The following RIC1 variants were observed in gnomAD, a reference collection of about 807,000 sequenced individuals.
The protein encoded by RIC1 is RIC1 partner of RAB6A GEF complex, also known as guanine nucleotide exchange factor subunit RIC1.
In RIC1, 88 loss-of-function variants were observed where a neutral mutation model predicts 169.0. The observed-to-expected ratio is 0.52, with a 90% CI of 0.44 to 0.62. RIC1 has a LOEUF of 0.62. Among genes scored for constraint, RIC1 ranks in the 20% least tolerant of loss-of-function variants. The pLI is 0.00. For missense variants in RIC1, 1,877 were observed against 1,725.5 expected (o/e 1.09, Z -1.56); for synonymous variants, 790 against 601.5 (o/e 1.31, Z -4.59).
intron 2 of RIC1, among the ~76,000 whole-genome samples, chr9:5,658,819 T>G (rs907430833): frequency 1.3e-5 from 2 of 148,152 alleles, no homozygotes; most frequent in African/African-American, 5.2e-5. Context: ...ATTGGAAAGT[T>G]TTTTTGTTTT....
chr9:5,769,959 A>T (rs1827087231), intron 22 of RIC1, 128 bp from the exon 23 acceptor site: 1 of 757,414 alleles, frequency 1.3e-6, no homozygotes, highest in East Asian at 2.7e-5. Flanking sequence ...AGTACAGGAC[A>T]GTAATTGCCT....
At chr9:5,714,218 T>C (rs921300487) in intron 4 of RIC1, among the ~76,000 whole-genome samples, 1 of 152,196 alleles carries the variant, frequency 6.6e-6, no homozygotes, top group Non-Finnish European at 1.5e-5. Context: ...ATACCAACTA[T>C]AATCTTATTT....
Position 5,769,036 on chromosome 9 carries a change from G to A in RIC1, c.3204G>A (p.Arg1068=). Residue 1068 remains arginine (R), a synonymous_variant, in exon 22 of 26, where the codon CGG becomes CGA. Coordinates refer to ENST00000414202, the MANE Select transcript of RIC1 (RefSeq NM_020829.4). ...YIDMMLWRHA[R]RLLEDVRLKD... ...ACATGATGCTCTGGAGACATGCTCG[G>A]CGCCTCTTAGAAGATGTGAGGTTAA... 1.2e-6 allele frequency: 2 copies of A among 1,614,054 alleles called. No individual in the cohort carries two copies. The highest frequency in any genetic ancestry group is 1.7e-6 in the Non-Finnish European group (2 of 1,179,966).
chr9:5,661,030 GT>G (rs1819420932), intron 2 of RIC1, among the ~76,000 whole-genome samples: 1 of 152,064 alleles, frequency 6.6e-6, no homozygotes, highest in African/African-American at 2.4e-5. Context: ...TAAGGAAGGG[GT>G]CCAGTTTCAA....
intron 2 of RIC1, among the ~76,000 whole-genome samples, chr9:5,669,312 G>C (rs190509113): frequency 2.6e-5 from 4 of 152,192 alleles, no homozygotes; most frequent in Admixed American, 1.3e-4. Context: ...AGTCCCCAAA[G>C]TCCATTGTAT....
rs1028113894 is a variant in RIC1, at chr9:5,702,471, C to T, written c.333-11425C>T. Among the ~76,000 whole-genome samples the T allele has an allele frequency of 4.6e-5, 7 of 152,024 alleles. No individual in the cohort carries two copies. In the East Asian group the frequency reaches 7.7e-4, roughly 17 times the overall value. Reference sequence around the variant, plus strand: ...CTCTTACACGGCCAGAGCAGGAAGCCGGGGAGAGGTGCTACACACTTACAC... The same window carrying T: ...CTCTTACACGGCCAGAGCAGGAAGCTGGGGAGAGGTGCTACACACTTACAC... On this transcript the variant is annotated intron_variant, in intron 3 of 25. Transcript: ENST00000414202.
chr9:5,685,720 G>A (rs1395959000), intron 2 of RIC1, among the ~76,000 whole-genome samples: 8 of 150,810 alleles, frequency 5.3e-5, no homozygotes, highest in African/African-American at 1.7e-4. Context: ...GCATGGGCAA[G>A]GACTTCATGT....
chr9:5,656,633 G>C lies in RIC1; in HGVS notation c.195G>C (p.Gln65His), dbSNP rs560179483. 3.7e-6 allele frequency: 6 copies of C among 1,609,936 alleles called. No individual in the cohort carries two copies. In the Admixed American group the frequency reaches 8.4e-5, roughly 22 times the overall value. Residue 65 changes from glutamine (Q) to histidine (H), a missense_variant, in exon 2 of 26, where the codon CAG becomes CAC. Transcript: ENST00000414202. ...TYKEPAKSST[Q>H]FGSYKQAEWR... is the part of the protein sequence containing the mutation. ...AGGAGCCTGCAAAATCATCTACTCA[G>C]TTTGGATCCTACAAGCAAGCTGAAT...
chr9:5,629,305 G>C lies in RIC1; in HGVS notation c.-5G>C. The C allele has an allele frequency of 6.6e-7, 1 of 1,506,876 alleles. No homozygotes were observed. Among genetic ancestry groups the C allele is most frequent in the Non-Finnish European group, 8.8e-7 (1 of 1,133,604 alleles). The allele number at this position is 1,506,876 out of a possible 1,614,324, so 93.3% of individuals were successfully genotyped here. On this transcript the variant is annotated 5_prime_UTR_variant, in exon 1 of 26. Coordinates refer to ENST00000414202, the MANE Select transcript of RIC1 (RefSeq NM_020829.4). ...ACTGGGGGCGCCGGGGGCTCCGCAC[G>C]GACCATGTATTTTCTGAGCGGCTGG...
chr9:5,638,633 C>T lies in RIC1; in HGVS notation c.144+9180C>T, dbSNP rs1418747037. ...TCCAGTTTATTGGCATATAGTTGCT[C>T]ATAGTAGTTTGTGATGATCGTTTGA... On this transcript the variant is annotated intron_variant, in intron 1 of 25. Transcript: ENST00000414202. 2.6e-5 allele frequency among the ~76,000 whole-genome samples: 4 copies of T among 152,164 alleles called. No homozygotes were observed. In the East Asian group the frequency reaches 7.7e-4, roughly 29 times the overall value.
chr9:5,692,761 T>G (rs1332585489), intron 3 of RIC1, among the ~76,000 whole-genome samples: 1 of 152,068 alleles, frequency 6.6e-6, no homozygotes, highest in Non-Finnish European at 1.5e-5. Flanking sequence ...TATAAGGTTT[T>G]GAGGAAAGTA....
chr9:5,712,824 T>A (rs540613215), intron 3 of RIC1: 29 of 152,334 alleles, frequency 1.9e-4, no homozygotes, highest in African/African-American at 6.7e-4. Flanking sequence ...ACATGTTAGT[T>A]GAACACGAAC....
In RIC1 at chr9:5,688,441, TTTG is replaced by T. The variant is rs1043410023; in HGVS notation, c.253-1503_253-1501del. ...AAGTATTTCATAGATTTTGTCTGTT[TTTG>T]TTGTTGTTGTTGTTCTTGTTTTTTT... On this transcript the variant is annotated intron_variant, in intron 2 of 25. Coordinates refer to ENST00000414202, the MANE Select transcript of RIC1 (RefSeq NM_020829.4). Among the ~76,000 whole-genome samples, 201 of 152,292 alleles carry T rather than the reference TTTG, an allele frequency of 1.3e-3. 1 individual carries two copies. Among genetic ancestry groups the T allele is most frequent in the African/African-American group, 4.6e-3 (191 of 41,566 alleles).
At chr9:5,736,995 AAAC>A (rs2130948620) in intron 7 of RIC1, among the ~76,000 whole-genome samples, 1 of 152,242 alleles carries the variant, frequency 6.6e-6, no homozygotes, top group Admixed American at 6.5e-5. Context: ...AAAAAAAAAA[AAAC>A]AATCTGGTAG....
At chr9:5,777,384 T>G (rs935049431), downstream of RIC1, among the ~76,000 whole-genome samples, 3 of 150,852 alleles carry the variant, frequency 2.0e-5, no homozygotes, top group Non-Finnish European at 4.4e-5. Context: ...GACTCTAAAA[T>G]GTACCCATTA....
At chr9:5,699,104 T>C (rs1231506616) in intron 3 of RIC1, among the ~76,000 whole-genome samples, 1 of 152,238 alleles carries the variant, frequency 6.6e-6, no homozygotes, top group Non-Finnish European at 1.5e-5. Context: ...AGATAGCTTC[T>C]TTAATATAGC....
chr9:5,756,104 T>TAA (rs370435478), intron 15 of RIC1, 108 bp from the exon 16 acceptor site: 481 of 465,816 alleles, frequency 1.0e-3, no homozygotes, highest in Middle Eastern at 1.8e-3. Context: ...CTCCTGTTAC[T>TAA]AAAAAAAAAA....
chr9:5,730,639 G>A (rs1195888389), intron 6 of RIC1, among the ~76,000 whole-genome samples: 1 of 152,108 alleles, frequency 6.6e-6, no homozygotes, highest in Non-Finnish European at 1.5e-5. Flanking sequence ...CAGTGATTGG[G>A]AAGGGCACTA....
chr9:5,693,809 G>T (rs1232097774), intron 3 of RIC1, among the ~76,000 whole-genome samples: 1 of 151,662 alleles, frequency 6.6e-6, no homozygotes, highest in Non-Finnish European at 1.5e-5. Flanking sequence ...TGTATACTTT[G>T]TTGAGAGCAG....
Sources: allele counts gnomAD v4.1 joint callset (sites outside exome capture counted in the v4.1 genomes callset), GRCh38; gene constraint gnomAD v4.1.1; transcripts MANE v1.5; gene names NCBI Gene and HGNC (gene_info 2026-07-23, HGNC 2026-07-21).